The following TANGO6 variants were observed in gnomAD, a reference collection of about 807,000 sequenced individuals.
The protein encoded by TANGO6 is transport and golgi organization 6 homolog.
TANGO6 carries 90 observed loss-of-function variants against 114.2 expected under a neutral mutation model. The ratio of observed to expected loss-of-function variants is 0.79; its 90% confidence interval spans 0.66 to 0.94. TANGO6 has a LOEUF of 0.94. TANGO6 is among the 40% of genes least tolerant of loss of function. TANGO6 has a pLI of 0.00. For missense variants in TANGO6, 1,274 were observed against 1,315.3 expected (o/e 0.97, Z 0.49); for synonymous variants, 477 against 509.8 (o/e 0.94, Z 0.87).
intron 6 of TANGO6, among the ~76,000 whole-genome samples, chr16:68,879,635 T>C (rs935425502): frequency 9.5e-5 from 14 of 148,058 alleles, no homozygotes; most frequent in Middle Eastern, 3.5e-3. Flanking sequence ...TTTTTTTTTT[T>C]AGACAGAGTC....
chr16:68,859,781 G>A (rs909574915), intron 1 of TANGO6, 103 bp from the exon 2 acceptor site: 22 of 1,321,402 alleles, frequency 1.7e-5, no homozygotes, highest in African/African-American at 5.9e-5. Flanking sequence ...TGACAGTGGC[G>A]CCCGGCCTGC....
chr16:69,076,052 C>T (rs1357688815), intron 17 of TANGO6, among the ~76,000 whole-genome samples: 2 of 150,076 alleles, frequency 1.3e-5, no homozygotes, highest in African/African-American at 2.5e-5. Flanking sequence ...CGTGAGCCAC[C>T]GCGCCTGGCC....
chr16:69,077,816 C>T (rs189890138), intron 17 of TANGO6, among the ~76,000 whole-genome samples: 4 of 152,056 alleles, frequency 2.6e-5, no homozygotes, highest in Middle Eastern at 3.4e-3. Flanking sequence ...GGCAACAGAG[C>T]GAGACTCTTT....
intron 14 of TANGO6, among the ~76,000 whole-genome samples, chr16:68,945,017 C>A (rs1362795278): frequency 6.6e-6 from 1 of 152,090 alleles, no homozygotes; most frequent in Non-Finnish European, 1.5e-5. Flanking sequence ...TGTGGTTGTG[C>A]ACACCTGTAA....
rs375501004 is a variant in TANGO6 at position 68,900,538 on chromosome 16, T to C, written c.1482T>C (p.Ser494=). The part of the protein sequence containing the change: ...LLYCFTKQSV[S]HIRSLCQEIL... ...ACTGTTTTACTAAGCAGAGTGTGTCTCACATAAGGTAAACAATCAAGGGAC... is the reference window on the plus strand; with the variant it reads ...ACTGTTTTACTAAGCAGAGTGTGTCCCACATAAGGTAAACAATCAAGGGAC... The change falls in exon 8 of 18, where the codon TCT becomes TCC. Residue 494 remains serine (S), a synonymous_variant. Coordinates refer to ENST00000261778, the MANE Select transcript of TANGO6 (RefSeq NM_024562.2). 8 of 1,611,388 alleles carry C rather than the reference T, an allele frequency of 5.0e-6. No individual in the cohort carries two copies. The highest frequency in any genetic ancestry group is 4.0e-5 in the African/African-American group (3 of 74,884).
At chr16:68,916,110 T>A (rs1963000441) in intron 11 of TANGO6, among the ~76,000 whole-genome samples, 1 of 152,190 alleles carries the variant, frequency 6.6e-6, no homozygotes, top group Admixed American at 6.5e-5. Context: ...AAATGCTATA[T>A]AAAATCTTGT....
At chr16:68,945,318 A>G (rs1963402463) in intron 14 of TANGO6, among the ~76,000 whole-genome samples, 2 of 152,226 alleles carry the variant, frequency 1.3e-5, no homozygotes, top group South Asian at 2.1e-4. Flanking sequence ...AGTTTGTTTC[A>G]GTAGCTAAGA....
chr16:68,989,317 T>C lies in TANGO6; in HGVS notation c.2842+15149T>C, dbSNP rs1452072352. On this transcript the variant is annotated intron_variant, in intron 15 of 17. Coordinates refer to ENST00000261778, the MANE Select transcript of TANGO6 (RefSeq NM_024562.2). ...TTCAATTTTTTTTTTTCAATCTTTT[T>C]CTCTCTCTTTTTCAGATTTAATAGT... is the stretch of plus-strand genomic sequence containing the variant. Among the ~76,000 whole-genome samples, 9 of 152,204 alleles carry C rather than the reference T, an allele frequency of 5.9e-5. No individual in the cohort carries two copies. The South Asian group carries it at 1.9e-3, about 32-fold the overall frequency.
intron 17 of TANGO6, among the ~76,000 whole-genome samples, chr16:69,078,835 T>C (rs1234651452): frequency 6.6e-6 from 1 of 152,008 alleles, no homozygotes; most frequent in East Asian, 2.0e-4. Flanking sequence ...TCCAGCTCCT[T>C]GGTTCCAGTG....
intron 15 of TANGO6, among the ~76,000 whole-genome samples, chr16:68,998,861 A>T (rs1197008642): frequency 1.3e-5 from 2 of 151,996 alleles, no homozygotes; most frequent in Non-Finnish European, 2.9e-5. Context: ...GTCTTTGATG[A>T]AACATTGTTC....
intron 17 of TANGO6, among the ~76,000 whole-genome samples, chr16:69,053,908 C>CA (rs1959992425): frequency 1.3e-5 from 2 of 151,940 alleles, no homozygotes; most frequent in Admixed American, 1.3e-4. Context: ...ACTAAAAATA[C>CA]AAAAAAATTA....
intron 15 of TANGO6, among the ~76,000 whole-genome samples, chr16:68,983,402 G>A (rs1013849808): frequency 1.3e-5 from 2 of 152,000 alleles, no homozygotes; most frequent in Non-Finnish European, 2.9e-5. Flanking sequence ...CTGGGGATGG[G>A]ACATTAATGT....
At chr16:68,925,231 A>C (rs932904755) in intron 12 of TANGO6, among the ~76,000 whole-genome samples, 1 of 151,990 alleles carries the variant, frequency 6.6e-6, no homozygotes, top group African/African-American at 2.4e-5. Flanking sequence ...AATCGCTTGA[A>C]CCTGGGAGGT....
At chr16:68,928,951 C>A (rs1249561490) in intron 13 of TANGO6, among the ~76,000 whole-genome samples, 1 of 152,110 alleles carries the variant, frequency 6.6e-6, no homozygotes, top group Non-Finnish European at 1.5e-5. Context: ...CAGGGTCTCG[C>A]TCCGTCGCCC....
chr16:68,992,193 G>C (rs2152218475), intron 15 of TANGO6, among the ~76,000 whole-genome samples: 1 of 152,238 alleles, frequency 6.6e-6, no homozygotes, highest in South Asian at 2.1e-4. Flanking sequence ...GGGGAGGTGG[G>C]ACCATCTACA....
chr16:68,861,221 A>T (rs1962087577), intron 2 of TANGO6, among the ~76,000 whole-genome samples: 1 of 152,182 alleles, frequency 6.6e-6, no homozygotes, highest in Admixed American at 6.5e-5. Flanking sequence ...GACCACTGGC[A>T]TCAGCATAGG....
chr16:68,851,494 G>A (rs1000993682), intron 1 of TANGO6, among the ~76,000 whole-genome samples: 4 of 152,198 alleles, frequency 2.6e-5, no homozygotes, highest in South Asian at 2.1e-4. Flanking sequence ...CTTAGCAATC[G>A]GTACATGATG....
chr16:69,011,455 C>CTTTTTTTTT (rs79675600), intron 15 of TANGO6, among the ~76,000 whole-genome samples: 1 of 136,706 alleles, frequency 7.3e-6, no homozygotes, highest in Non-Finnish European at 1.6e-5. Flanking sequence ...TTAGTGTGTT[C>CTTTTTTTTT]TTTTTTTTTT....
intron 7 of TANGO6, among the ~76,000 whole-genome samples, chr16:68,895,256 C>T (rs547929726): frequency 5.9e-5 from 9 of 152,076 alleles, no homozygotes; most frequent in Admixed American, 3.9e-4. Flanking sequence ...GGCTGAGGCA[C>T]GAGAATTGCT....
Sources: gnomAD v4.1 joint callset for allele counts (sites outside exome capture counted in the v4.1 genomes callset) on GRCh38, gnomAD v4.1.1 for gene constraint, MANE v1.5 for transcripts, NCBI Gene and HGNC (gene_info 2026-07-23, HGNC 2026-07-21) for gene names.